Variants in COL11A1 observed in about 807,000 individuals in gnomAD.
The protein encoded by COL11A1 is collagen alpha-1(XI) chain.
Under a neutral mutation model 265.2 loss-of-function variants are expected in COL11A1, and 74 were observed. The ratio of observed to expected loss-of-function variants is 0.28; its 90% CI spans 0.23 to 0.34. COL11A1 has a LOEUF of 0.34. Ranked by LOEUF, COL11A1 falls within the 10% of genes least tolerant of loss-of-function variation. COL11A1 has a pLI of 1.00. For synonymous variants in COL11A1, 816 were observed against 727.6 expected (o/e 1.12, Z -1.96); for missense variants, 2,165 against 2,263.6 (o/e 0.96, Z 0.88).
chr1:102,984,433 C>T (rs570957264), intron 30 of COL11A1, among the ~76,000 whole-genome samples: 106 of 152,040 alleles, frequency 7.0e-4, no homozygotes, highest in African/African-American at 2.5e-3. Flanking sequence ...AGTGGTAGTG[C>T]CTTCTTTAGG....
chr1:102,947,008 T>A, intron 41 of COL11A1, 52 bp from the exon 42 acceptor site: 1 of 1,369,344 alleles, frequency 7.3e-7, no homozygotes, highest in African/African-American at 1.4e-5. Context: ...AATACTGGCT[T>A]AAGAATCACT....
At chr1:103,051,246 C>T (rs1401441808) in intron 4 of COL11A1, among the ~76,000 whole-genome samples, 2 of 152,226 alleles carry the variant, frequency 1.3e-5, no homozygotes, top group African/African-American at 2.4e-5. Flanking sequence ...GTGGTGGTCT[C>T]CACCCAGTTT....
chr1:102,886,375 A>T (rs1467507955), intron 63 of COL11A1, among the ~76,000 whole-genome samples: 1 of 152,188 alleles, frequency 6.6e-6, no homozygotes, highest in Non-Finnish European at 1.5e-5. Context: ...CCAAACTGAT[A>T]GATCAAATAT....
intron 37 of COL11A1, among the ~76,000 whole-genome samples, chr1:102,967,227 C>CTATTTTTTTT (rs1661487792): frequency 3.8e-5 from 2 of 52,754 alleles, no homozygotes; most frequent in African/African-American, 8.0e-5. Context: ...ATAATAAATT[C>CTATTTTTTTT]TTTTTTTTTT....
intron 46 of COL11A1, among the ~76,000 whole-genome samples, chr1:102,931,365 A>G (rs1261420378): frequency 1.4e-5 from 2 of 147,708 alleles, no homozygotes; most frequent in African/African-American, 5.0e-5. Context: ...GTAGTCATTC[A>G]GGAGCAGGTT....
chr1:102,900,807 T>C (rs1173699332), intron 54 of COL11A1, among the ~76,000 whole-genome samples: 1 of 152,214 alleles, frequency 6.6e-6, no homozygotes, highest in East Asian at 1.9e-4. Context: ...TGAACAAATA[T>C]CTGTCATAGT....
chr1:102,998,469 T>C (rs1178877687), intron 24 of COL11A1, 106 bp from the exon 25 acceptor site: 1 of 679,290 alleles, frequency 1.5e-6, no homozygotes, highest in Admixed American at 3.1e-5. Flanking sequence ...CTGGCTTCAA[T>C]TCATAAGTAA....
intron 28 of COL11A1, among the ~76,000 whole-genome samples, chr1:102,994,780 G>T (rs1312928331): frequency 3.3e-5 from 5 of 151,940 alleles, no homozygotes; most frequent in African/African-American, 1.2e-4. Context: ...GTATTAGTCC[G>T]CTTTTACATT....
intron 44 of COL11A1, among the ~76,000 whole-genome samples, chr1:102,938,176 T>C (rs72983793): frequency 0.019 from 2,943 of 152,268 alleles, 99 homozygotes; most frequent in African/African-American, 0.067. Flanking sequence ...CTTTCCGTTA[T>C]GTGTTAATGT....
At chr1:103,025,992 A>G (rs537255248) in intron 6 of COL11A1, 1 of 1,585,476 alleles carries the variant, frequency 6.3e-7, no homozygotes, top group African/African-American at 1.3e-5. Flanking sequence ...AAACATAAAT[A>G]AACGAGGAGG....
intron 57 of COL11A1, among the ~76,000 whole-genome samples, chr1:102,891,881 G>A (rs76687786): frequency 9.2e-5 from 14 of 151,888 alleles, no homozygotes; most frequent in African/African-American, 2.9e-4. Flanking sequence ...ACACCCTGTC[G>A]CTAGAGAAAG....
chr1:103,057,222 C>A lies in COL11A1; in HGVS notation c.651+17396G>T, dbSNP rs1319149801. Among the ~76,000 whole-genome samples, 3 of 152,178 alleles carry A rather than the reference C, an allele frequency of 2.0e-5. No homozygotes were observed. The East Asian group carries it at 5.8e-4, about 29-fold the overall frequency. The stretch of plus-strand genomic sequence containing the variant: ...CTTTGATGTCATTTAACAATATTCA[C>A]AACCTCTTCACCAGAAGTAGATTCC... On this transcript the variant is annotated intron_variant, in intron 4 of 66. Coordinates refer to ENST00000370096, the MANE Select transcript of COL11A1 (RefSeq NM_001854.4).
At chr1:102,911,972 T>G (rs1446048034) in intron 54 of COL11A1, among the ~76,000 whole-genome samples, 187 bp downstream of exon 54, 1 of 152,228 alleles carries the variant, frequency 6.6e-6, no homozygotes, top group Non-Finnish European at 1.5e-5. Flanking sequence ...ATTTTTATTG[T>G]GACAGTGAAA....
At chr1:102,918,332 G>C (rs188653617) in intron 49 of COL11A1, among the ~76,000 whole-genome samples, 133 of 151,856 alleles carry the variant, frequency 8.8e-4, no homozygotes, top group Middle Eastern at 3.7e-3. Flanking sequence ...ATATTTCCAA[G>C]TATTGACAAA....
chr1:103,034,589 A>AT (rs1668219910), intron 4 of COL11A1, among the ~76,000 whole-genome samples: 1 of 152,046 alleles, frequency 6.6e-6, no homozygotes, highest in Non-Finnish European at 1.5e-5. Context: ...CAACATTGTC[A>AT]TACTTGCTGT....
intron 31 of COL11A1, among the ~76,000 whole-genome samples, chr1:102,981,169 A>G (rs1274008237): frequency 6.6e-6 from 1 of 152,146 alleles, no homozygotes; most frequent in Non-Finnish European, 1.5e-5. Flanking sequence ...ATGTTTCAAT[A>G]CATGCCTATA....
chr1:102,979,046 A>G lies in COL11A1; in HGVS notation c.2655+14T>C, dbSNP rs1662783723. The G allele has an allele frequency of 6.2e-7, 1 of 1,614,082 alleles. No individual in the cohort carries two copies. The highest frequency in any genetic ancestry group is 1.1e-5 in the South Asian group (1 of 91,082). On this transcript the variant is annotated intron_variant, in intron 33 of 66. Coordinates refer to ENST00000370096, the MANE Select transcript of COL11A1 (RefSeq NM_001854.4). ...ATATGAAAAATGTACATCATTTTAA[A>G]TCAAGGCACCTACCGTTGGACCACG...
intron 25 of COL11A1, 27 bp from the exon 26 acceptor site, chr1:102,997,151 T>C (rs755856968): frequency 5.1e-6 from 8 of 1,562,080 alleles, no homozygotes; most frequent in South Asian, 2.2e-5. Flanking sequence ...CATACACTGA[T>C]AAGATGTAAT....
At chr1:102,974,573 AGCTGAGAGAATGATATTCATGTTTTT>A (rs1198135621) in intron 36 of COL11A1, among the ~76,000 whole-genome samples, 3 of 152,190 alleles carry the variant, frequency 2.0e-5, no homozygotes, top group South Asian at 4.1e-4. Flanking sequence ...GTAAAGGAGC[AGCTGAGAGAATGATATTCATGTTTTT>A]CTAGTCTTCG....
Sources: gnomAD v4.1 joint callset for allele counts (sites outside exome capture counted in the v4.1 genomes callset) on GRCh38, gnomAD v4.1.1 for gene constraint, MANE v1.5 for transcripts, NCBI Gene and HGNC (gene_info 2026-07-23, HGNC 2026-07-21) for gene names.